NEGR1: variants seen among roughly 807,000 people sequenced by gnomAD.
NEGR1 encodes neuronal growth regulator 1, also known as IgLON family member 4.
In NEGR1, 10 loss-of-function variants were observed where a neutral mutation model predicts 40.9. The ratio of observed to expected loss-of-function variants is 0.24; its 90% CI spans 0.15 to 0.42. The LOEUF (loss-of-function observed/expected upper bound fraction) is 0.42, where lower values mean the gene tolerates loss of function less well. Among genes scored for constraint, NEGR1 ranks in the 10% least tolerant of loss-of-function variants. The probability of loss-of-function intolerance (pLI) is 1.00; values close to 1 mark genes in which losing one functional copy is unlikely to be tolerated. For missense variants in NEGR1, 352 were observed against 438.9 expected (o/e 0.80, Z 1.77); for synonymous variants, 185 against 166.8 (o/e 1.11, Z -0.84).
At chr1:71,407,709 G>T in intron 6 of NEGR1, 139 bp from the exon 7 acceptor site, 1 of 718,480 alleles carries the variant, frequency 1.4e-6, no homozygotes, top group Non-Finnish European at 2.3e-6. Context: ...ATCTGATTCT[G>T]CTATATGACA....
intron 2 of NEGR1, among the ~76,000 whole-genome samples, chr1:71,899,982 T>C (rs1661101233): frequency 6.6e-6 from 1 of 152,200 alleles, no homozygotes; most frequent in Non-Finnish European, 1.5e-5. Context: ...AAAGAAAACA[T>C]GGCTAGTGAA....
intron 2 of NEGR1, among the ~76,000 whole-genome samples, chr1:71,819,901 A>G (rs1294902485): frequency 6.6e-6 from 1 of 152,020 alleles, no homozygotes; most frequent in African/African-American, 2.4e-5. Context: ...CAAGGCCATT[A>G]TGTATGTGCT....
intron 2 of NEGR1, among the ~76,000 whole-genome samples, chr1:71,851,327 T>C (rs532703315): frequency 2.6e-5 from 4 of 152,312 alleles, no homozygotes; most frequent in Admixed American, 6.5e-5. Flanking sequence ...GTTTTCTAAA[T>C]AATTTACTGA....
chr1:72,224,539 G>A (rs1654113848), intron 1 of NEGR1, among the ~76,000 whole-genome samples: 1 of 152,054 alleles, frequency 6.6e-6, no homozygotes, highest in Non-Finnish European at 1.5e-5. Context: ...TTCCCCATGA[G>A]GTGGGTGCTA....
chr1:72,065,185 T>A (rs1232643279), intron 1 of NEGR1, among the ~76,000 whole-genome samples: 1 of 152,140 alleles, frequency 6.6e-6, no homozygotes, highest in Non-Finnish European at 1.5e-5. Flanking sequence ...TTACTGGACA[T>A]CTTTATTCAT....
At chr1:71,721,221 T>A (rs185413339) in intron 3 of NEGR1, among the ~76,000 whole-genome samples, 2,741 of 152,252 alleles carry the variant, frequency 0.018, 83 homozygotes, top group African/African-American at 0.063. Context: ...TTTGAAAACT[T>A]ACAAAAAGTC....
At chr1:71,893,936 A>G (rs374162561) in intron 2 of NEGR1, among the ~76,000 whole-genome samples, 1 of 26,768 alleles carries the variant, frequency 3.7e-5, no homozygotes, top group Non-Finnish European at 7.3e-5. Flanking sequence ...CATGGATGAA[A>G]TTGGAAACCA....
At chr1:71,852,758 A>G (rs2101814512) in intron 2 of NEGR1, among the ~76,000 whole-genome samples, 1 of 152,024 alleles carries the variant, frequency 6.6e-6, no homozygotes, top group Middle Eastern at 3.4e-3. Context: ...GATGAGAGGT[A>G]AGTAGGTTTG....
At chr1:72,002,141 C>G in intron 1 of NEGR1, among the ~76,000 whole-genome samples, 1 of 151,952 alleles carries the variant, frequency 6.6e-6, no homozygotes, top group Admixed American at 6.6e-5. Flanking sequence ...TCTTAAACGG[C>G]TTTGGAAGAA....
intron 1 of NEGR1, among the ~76,000 whole-genome samples, chr1:72,175,675 G>T (rs1652138150): frequency 6.6e-6 from 1 of 151,104 alleles, no homozygotes; most frequent in African/African-American, 2.4e-5. Flanking sequence ...GTTTAAACTA[G>T]GGGTAAATTA....
intron 1 of NEGR1, among the ~76,000 whole-genome samples, chr1:72,030,940 T>C (rs1646853128): frequency 6.6e-6 from 1 of 152,186 alleles, no homozygotes; most frequent in Non-Finnish European, 1.5e-5. Context: ...CTTAAAACAA[T>C]CATGTTTTGT....
chr1:72,228,669 A>G (rs1412218394), intron 1 of NEGR1, among the ~76,000 whole-genome samples: 1 of 152,148 alleles, frequency 6.6e-6, no homozygotes, highest in East Asian at 1.9e-4. Context: ...GCTCTCTGAT[A>G]CATCAAAAGG....
At chr1:71,725,988 G>T (rs1654661903) in intron 3 of NEGR1, among the ~76,000 whole-genome samples, 1 of 152,066 alleles carries the variant, frequency 6.6e-6, no homozygotes, top group Non-Finnish European at 1.5e-5. Context: ...TCCTCAACAA[G>T]TGGACATGTG....
intron 2 of NEGR1, among the ~76,000 whole-genome samples, chr1:71,830,667 A>G (rs1282831374): frequency 2.0e-5 from 3 of 151,998 alleles, no homozygotes; most frequent in Non-Finnish European, 4.4e-5. Flanking sequence ...AGGATAGGGA[A>G]TAAACAGGTA....
At chr1:72,124,447 G>A (rs952499076) in intron 1 of NEGR1, among the ~76,000 whole-genome samples, 2 of 151,856 alleles carry the variant, frequency 1.3e-5, no homozygotes, top group African/African-American at 4.8e-5. Flanking sequence ...AAATATACAA[G>A]GCAACAGAAC....
chr1:71,695,564 G>C (rs984669516), intron 4 of NEGR1, among the ~76,000 whole-genome samples: 3 of 151,728 alleles, frequency 2.0e-5, no homozygotes, highest in Admixed American at 1.3e-4. Flanking sequence ...GATTAACAAA[G>C]TCTTATTCTC....
chr1:71,640,711 A>G (rs2483663), intron 4 of NEGR1, among the ~76,000 whole-genome samples: 2,719 of 152,184 alleles, frequency 0.018, 76 homozygotes, highest in African/African-American at 0.062. Flanking sequence ...TTAAGAAGTC[A>G]TTTATTATTT....
intron 6 of NEGR1, among the ~76,000 whole-genome samples, chr1:71,590,831 T>C (rs965759092): frequency 6.6e-6 from 1 of 152,200 alleles, no homozygotes; most frequent in Non-Finnish European, 1.5e-5. Flanking sequence ...ACTCATTCAC[T>C]CATTTATTTA....
At chr1:71,908,575 C>T (rs1028156136) in intron 2 of NEGR1, among the ~76,000 whole-genome samples, 4 of 152,104 alleles carry the variant, frequency 2.6e-5, no homozygotes, top group African/African-American at 9.7e-5. Flanking sequence ...TCTGAGAGGT[C>T]CTCCAACTGG....
Sources: allele counts gnomAD v4.1 joint callset (sites outside exome capture counted in the v4.1 genomes callset), GRCh38; gene constraint gnomAD v4.1.1; transcripts MANE v1.5; gene names NCBI Gene and HGNC (gene_info 2026-07-23, HGNC 2026-07-21).